Variants in SNCAIP observed in about 807,000 individuals in gnomAD.
SNCAIP encodes the protein synphilin-1.
SNCAIP carries 43 observed loss-of-function variants against 86.7 expected under a neutral mutation model. That is an observed-to-expected ratio of 0.50 (90% confidence interval 0.39 to 0.64). The LOEUF (loss-of-function observed/expected upper bound fraction) is 0.64, where lower values mean the gene tolerates loss of function less well. SNCAIP is among the 30% of genes least tolerant of loss of function. The probability of loss-of-function intolerance (pLI) is 0.00; values close to 1 mark genes in which losing one functional copy is unlikely to be tolerated. For missense variants in SNCAIP, 981 were observed against 1,103.1 expected (o/e 0.89, Z 1.57); for synonymous variants, 417 against 427.2 (o/e 0.98, Z 0.29).
At chr5:122,415,416 G>A (rs1775097767) in intron 3 of SNCAIP, among the ~76,000 whole-genome samples, 1 of 152,158 alleles carries the variant, frequency 6.6e-6, no homozygotes, top group South Asian at 2.1e-4. Context: ...ATGCATTTAA[G>A]TTTTAGCAAC....
chr5:122,326,427 A>G (rs1013284237), intron 1 of SNCAIP, among the ~76,000 whole-genome samples: 1 of 152,058 alleles, frequency 6.6e-6, no homozygotes, highest in Non-Finnish European at 1.5e-5. Context: ...AAATTCCCTA[A>G]AGAAGTAGTG....
At chr5:122,315,767 G>T (rs1751584652) in intron 1 of SNCAIP, among the ~76,000 whole-genome samples, 1 of 152,150 alleles carries the variant, frequency 6.6e-6, no homozygotes. Flanking sequence ...TGACAGTGGT[G>T]TTGGGATGGT....
chr5:122,458,935 C>A (rs542529819), intron 10 of SNCAIP, among the ~76,000 whole-genome samples: 2 of 152,148 alleles, frequency 1.3e-5, no homozygotes, highest in East Asian at 3.9e-4. Context: ...ATAGAGACTT[C>A]ATAGATATTT....
At chr5:122,316,156 A>G (rs976051075) in intron 1 of SNCAIP, among the ~76,000 whole-genome samples, 1 of 152,226 alleles carries the variant, frequency 6.6e-6, no homozygotes, top group African/African-American at 2.4e-5. Flanking sequence ...ACAGTGCACT[A>G]TTGTATATAG....
At position 122,354,569 on chromosome 5, in the gene SNCAIP, C is replaced by A. The variant is rs185194507; in HGVS notation, c.-46-36520C>A. Among the ~76,000 whole-genome samples the A allele has an allele frequency of 4.6e-5, 7 of 152,238 alleles. No homozygotes were observed. The East Asian group carries it at 9.7e-4, about 21-fold the overall frequency. On this transcript the variant is annotated intron_variant, in intron 1 of 10. Coordinates refer to ENST00000261368, the MANE Select transcript of SNCAIP (RefSeq NM_005460.4). ...CTGGGATGTTTATGCAACTTTTCAG[C>A]AAAGGCAATTTAAAGGAAAGTTGCC...
At chr5:122,356,560 A>C (rs1761064055) in intron 1 of SNCAIP, among the ~76,000 whole-genome samples, 2 of 152,110 alleles carry the variant, frequency 1.3e-5, no homozygotes, top group South Asian at 4.2e-4. Context: ...CATGCTTCCT[A>C]ACATATTTAT....
At chr5:122,333,540 C>A (rs1755806764) in intron 1 of SNCAIP, among the ~76,000 whole-genome samples, 1 of 152,206 alleles carries the variant, frequency 6.6e-6, no homozygotes, top group South Asian at 2.1e-4. Flanking sequence ...TTGCTAATGC[C>A]ATTAGATGAA....
chr5:122,320,402 C>T (rs545888774), intron 1 of SNCAIP, among the ~76,000 whole-genome samples: 12 of 152,230 alleles, frequency 7.9e-5, no homozygotes, highest in Admixed American at 2.6e-4. Context: ...CTCTAAGTTG[C>T]GGTCACAGCA....
chr5:122,400,922 A>C, intron 2 of SNCAIP: 50 of 1,424,966 alleles, frequency 3.5e-5, no homozygotes, highest in East Asian at 5.2e-5. Flanking sequence ...AATAAATTAT[A>C]GAGATAGAAA....
chr5:122,445,846 A>G (rs1782184823), intron 8 of SNCAIP, among the ~76,000 whole-genome samples: 1 of 151,836 alleles, frequency 6.6e-6, no homozygotes, highest in African/African-American at 2.4e-5. Context: ...CTCTTCTCTA[A>G]GCTTAGGGAA....
At chr5:122,437,298 T>A (rs1779713279) in intron 6 of SNCAIP, 1 of 152,146 alleles carries the variant, frequency 6.6e-6, no homozygotes, top group South Asian at 2.1e-4. Flanking sequence ...GAACTGTGCA[T>A]CTCCACAGGC....
chr5:122,447,428 C>A (rs1782565324), intron 8 of SNCAIP, among the ~76,000 whole-genome samples: 1 of 152,188 alleles, frequency 6.6e-6, no homozygotes, highest in Non-Finnish European at 1.5e-5. Context: ...ACTATAGAAT[C>A]CAGAGAGTAG....
chr5:122,361,559 T>TA (rs1762217897), intron 1 of SNCAIP, among the ~76,000 whole-genome samples: 2 of 152,178 alleles, frequency 1.3e-5, no homozygotes, highest in Non-Finnish European at 2.9e-5. Context: ...GCTGTTTTTT[T>TA]AAAAAACAGC....
At chr5:122,327,941 A>G (rs1754444790) in intron 1 of SNCAIP, among the ~76,000 whole-genome samples, 2 of 152,202 alleles carry the variant, frequency 1.3e-5, no homozygotes, top group Admixed American at 1.3e-4. Flanking sequence ...TTTCAAAGGC[A>G]TCACAGGAAA....
chr5:122,394,735 C>T (rs1327304197), intron 2 of SNCAIP, among the ~76,000 whole-genome samples: 5 of 152,178 alleles, frequency 3.3e-5, no homozygotes, highest in Non-Finnish European at 7.3e-5. Flanking sequence ...GTTTCACACA[C>T]AGGACTAAAG....
chr5:122,369,762 C>G (rs751687236), intron 1 of SNCAIP: 6 of 152,218 alleles, frequency 3.9e-5, no homozygotes, highest in Non-Finnish European at 5.9e-5. Flanking sequence ...CTTCTTGGCT[C>G]TGGACCATGT....
chr5:122,463,733 T>G lies in SNCAIP; in HGVS notation c.*237T>G. 1 of 512,344 alleles carries G rather than the reference T, an allele frequency of 2.0e-6. No individual in the cohort carries two copies. The highest frequency in any genetic ancestry group is 3.5e-5 in the South Asian group (1 of 28,938). 31.7% of individuals were successfully genotyped at this position (512,344 alleles called of 1,614,324 possible). A position where few individuals can be genotyped will look rare whatever the true frequency, so the allele number is the denominator to read the frequency against. On this transcript the variant is annotated 3_prime_UTR_variant, in exon 11 of 11. Coordinates refer to ENST00000261368, the MANE Select transcript of SNCAIP (RefSeq NM_005460.4). Reference sequence around the variant, plus strand: ...TTTATAGTAGTAGACTGTAAAAGATTCATTTTGGGGTGATATCTGTATATA... The same window carrying G: ...TTTATAGTAGTAGACTGTAAAAGATGCATTTTGGGGTGATATCTGTATATA...
chr5:122,396,768 G>A (rs1770704835), intron 2 of SNCAIP, among the ~76,000 whole-genome samples: 1 of 152,100 alleles, frequency 6.6e-6, no homozygotes, highest in Non-Finnish European at 1.5e-5. Context: ...TCTTGGCAGT[G>A]AGTCCTTGTA....
rs189353883 is a variant in SNCAIP, at chr5:122,320,687, G to A, written c.-47+8403G>A. 6.7e-4 allele frequency among the ~76,000 whole-genome samples: 102 copies of A among 152,284 alleles called. 1 individual carries two copies. The highest frequency in any genetic ancestry group is 3.4e-3 in the Middle Eastern group (1 of 294). ...GTTGACAGAGTCAGGGGGATATGCA[G>A]GCCAAGCAGTTAATCTCAGTCCCCG... On this transcript the variant is annotated intron_variant, in intron 1 of 10. Coordinates refer to ENST00000261368, the MANE Select transcript of SNCAIP (RefSeq NM_005460.4).
Sources: gnomAD v4.1 joint callset for allele counts (sites outside exome capture counted in the v4.1 genomes callset) on GRCh38, gnomAD v4.1.1 for gene constraint, MANE v1.5 for transcripts, NCBI Gene and HGNC (gene_info 2026-07-23, HGNC 2026-07-21) for gene names.